The following AUTS2 variants were observed in gnomAD, a reference collection of about 807,000 sequenced individuals.
AUTS2 encodes the protein activator of transcription and developmental regulator AUTS2.
A neutral mutation model predicts 112.4 loss-of-function variants in AUTS2; 17 were observed. The observed-to-expected ratio is 0.15, with a 90% CI of 0.10 to 0.23. The LOEUF is 0.23. Ranked by LOEUF, AUTS2 falls within the 10% of genes least tolerant of loss-of-function variation. The probability of loss-of-function intolerance (pLI) is 1.00; values close to 1 mark genes in which losing one functional copy is unlikely to be tolerated. For missense variants in AUTS2, 1,510 were observed against 1,701.6 expected, an observed-to-expected ratio of 0.89 and a Z score of 1.98; for synonymous variants, 751 against 702.7, an observed-to-expected ratio of 1.07 and a Z score of -1.09.
chr7:70,790,266 G>A lies in AUTS2; in HGVS notation c.3050G>A (p.Gly1017Glu). The change falls in exon 19 of 19, where the codon GGG (glycine) becomes GAG (glutamate). Residue 1017 changes from glycine to glutamate, a missense_variant. Around this residue, in one of 3 missense-constraint regions of AUTS2, gnomAD observed 788 missense variants for 797.6 expected, o/e 0.99. Transcript: ENST00000342771. This position sits in a 1 kb window ranked among gnomAD's most constrained non-coding sequence, Gnocchi z 7.6. ...PPNSSSSVHP[G>E]PLASMPMTVG... ...AACTCCTCGTCCAGCGTGCACCCGG[G>A]GCCCCTGGCCTCGATGCCCATGACG... The A allele has an allele frequency of 5.6e-6, 9 of 1,613,088 alleles. No homozygotes were observed. Among genetic ancestry groups the A allele is most frequent in the Non-Finnish European group, 7.6e-6 (9 of 1,179,878 alleles).
At chr7:70,757,861 G>A (rs546863833) in intron 6 of AUTS2, among the ~76,000 whole-genome samples, 11 of 121,354 alleles carry the variant, frequency 9.1e-5, no homozygotes, top group African/African-American at 3.5e-4. Context: ...TGTCACTCAG[G>A]CTTGAGCGTA....
intron 1 of AUTS2, among the ~76,000 whole-genome samples, chr7:69,874,677 G>A (rs1474086249): frequency 6.6e-6 from 1 of 151,868 alleles, no homozygotes. Context: ...CCAAGTTGTG[G>A]AGACGGAGTT....
At chr7:70,772,193 TTCTC>T (rs1307181018) in intron 11 of AUTS2, among the ~76,000 whole-genome samples, 2 of 152,186 alleles carry the variant, frequency 1.3e-5, no homozygotes, top group Non-Finnish European at 2.9e-5. Flanking sequence ...CCTCCTTTCT[TTCTC>T]CCTCTCTCTC....
intron 2 of AUTS2, among the ~76,000 whole-genome samples, chr7:69,904,470 A>G (rs1017001712): frequency 3.3e-5 from 5 of 152,220 alleles, no homozygotes; most frequent in African/African-American, 1.2e-4. Flanking sequence ...TCTAGAGCCT[A>G]CAGGTTTCTG....
chr7:70,151,298 G>A (rs1427186366), intron 4 of AUTS2, among the ~76,000 whole-genome samples: 1 of 152,138 alleles, frequency 6.6e-6, no homozygotes, highest in Non-Finnish European at 1.5e-5. Context: ...AGAAGGATTA[G>A]AGGCAACAGT....
At chr7:70,556,521 C>T (rs1315611938) in intron 5 of AUTS2, among the ~76,000 whole-genome samples, 1 of 152,206 alleles carries the variant, frequency 6.6e-6, no homozygotes, top group Non-Finnish European at 1.5e-5. Context: ...GTCTTCGAGG[C>T]TTTAGTTACT....
intron 11 of AUTS2, among the ~76,000 whole-genome samples, chr7:70,772,713 T>C (rs756780278): frequency 6.6e-6 from 1 of 152,256 alleles, no homozygotes; most frequent in Non-Finnish European, 1.5e-5. Context: ...AGTTCATCTA[T>C]TGAATTTGCC....
chr7:70,310,206 A>C (rs1183371228), intron 4 of AUTS2, among the ~76,000 whole-genome samples: 1 of 152,034 alleles, frequency 6.6e-6, no homozygotes, highest in African/African-American at 2.4e-5. Flanking sequence ...CTAAAGACAA[A>C]CTGTGACAGT....
chr7:70,454,355 T>C (rs1796649724), intron 5 of AUTS2, among the ~76,000 whole-genome samples: 1 of 151,998 alleles, frequency 6.6e-6, no homozygotes, highest in Non-Finnish European at 1.5e-5. Context: ...GCCAACATGG[T>C]GAAACCCCGT....
chr7:69,934,474 G>C (rs1472568703), intron 2 of AUTS2, among the ~76,000 whole-genome samples: 1 of 152,178 alleles, frequency 6.6e-6, no homozygotes. Context: ...TTAGTTTGAA[G>C]TGGAATTATC....
At chr7:69,876,547 T>C (rs1163273834) in intron 1 of AUTS2, among the ~76,000 whole-genome samples, 1 of 93,650 alleles carries the variant, frequency 1.1e-5, no homozygotes, top group Non-Finnish European at 2.0e-5. Context: ...TATATATATT[T>C]TCAGTGTTCA....
chr7:70,478,471 G>A (rs1250691263), intron 5 of AUTS2, among the ~76,000 whole-genome samples: 2 of 152,064 alleles, frequency 1.3e-5, no homozygotes, highest in Non-Finnish European at 2.9e-5. Context: ...AATGACTAAG[G>A]GACTCCCTGC....
intron 4 of AUTS2, among the ~76,000 whole-genome samples, chr7:70,319,391 G>GA (rs1267593222): frequency 6.6e-6 from 1 of 152,186 alleles, no homozygotes; most frequent in African/African-American, 2.4e-5. Flanking sequence ...TGAGGGTGCA[G>GA]AACAGAAATG....
intron 5 of AUTS2, among the ~76,000 whole-genome samples, chr7:70,565,627 C>T (rs1487125988): frequency 6.6e-6 from 1 of 152,162 alleles, no homozygotes; most frequent in Non-Finnish European, 1.5e-5. Context: ...CTGCAGTGAG[C>T]CAGGGTTGTA....
intron 1 of AUTS2, among the ~76,000 whole-genome samples, chr7:69,771,631 G>A (rs1196048887): frequency 2.0e-5 from 3 of 152,144 alleles, no homozygotes; most frequent in South Asian, 2.1e-4. Context: ...AGAAGAGTTT[G>A]GAGGACAACA....
chr7:70,179,210 T>C (rs576445517), intron 4 of AUTS2, among the ~76,000 whole-genome samples: 3 of 152,312 alleles, frequency 2.0e-5, no homozygotes, highest in Non-Finnish European at 4.4e-5. Flanking sequence ...AGAAAATGCC[T>C]GGGTTTGTTA....
intron 1 of AUTS2, among the ~76,000 whole-genome samples, chr7:69,867,953 TA>T (rs2129534530): frequency 6.6e-6 from 1 of 152,144 alleles, no homozygotes; most frequent in East Asian, 1.9e-4. Context: ...ATACTTACTC[TA>T]AAAAATCATA....
At chr7:70,037,649 T>G (rs1372253523) in intron 2 of AUTS2, among the ~76,000 whole-genome samples, 1 of 152,158 alleles carries the variant, frequency 6.6e-6, no homozygotes, top group African/African-American at 2.4e-5. Context: ...ACTACTCTTC[T>G]TTTAGCCCAA....
At chr7:69,899,953 A>G (rs1794906700) in intron 2 of AUTS2, among the ~76,000 whole-genome samples, 1 of 152,174 alleles carries the variant, frequency 6.6e-6, no homozygotes, top group Admixed American at 6.5e-5. Flanking sequence ...GGAAGCTCAG[A>G]TATTGTGGCA....
Sources: allele counts gnomAD v4.1 joint callset (sites outside exome capture counted in the v4.1 genomes callset), GRCh38; gene constraint gnomAD v4.1.1; regional missense constraint gnomAD v4.1.1; non-coding constraint Gnocchi (gnomAD v3.1); transcripts MANE v1.5; gene names NCBI Gene and HGNC (gene_info 2026-07-23, HGNC 2026-07-21).